DGKQ: variants seen among roughly 807,000 people sequenced by gnomAD.
DGKQ encodes the protein DAG kinase theta.
Under a neutral mutation model 104.2 loss-of-function variants are expected in DGKQ, and 97 were observed. The observed-to-expected ratio is 0.93, with a 90% confidence interval of 0.79 to 1.10. The LOEUF is 1.10. DGKQ is among the 50% of genes least tolerant of loss of function. The pLI, the probability that DGKQ is intolerant of heterozygous loss-of-function variation, is 0.00. For synonymous variants in DGKQ, 736 were observed against 595.2 expected, an observed-to-expected ratio of 1.24 and a Z score of -3.44; for missense variants, 1,465 against 1,352.1, an observed-to-expected ratio of 1.08 and a Z score of -1.31.
At chr4:968,257 A>G in intron 5 of DGKQ, 25 bp downstream of exon 5, 3 of 333,512 alleles carry the variant, frequency 9.0e-6, no homozygotes, top group African/African-American at 6.7e-5. Context: ...CCCCACCCCC[A>G]CCCCCTCGAC....
In DGKQ at chr4:962,013, G is replaced by A. The variant is rs751084332; in HGVS notation, c.2284C>T (p.Arg762Trp). The change falls in exon 19 of 23, where the codon CGG becomes TGG. Residue 762 changes from arginine (R) to tryptophan (W), a missense_variant. Transcript: ENST00000273814. Reference sequence around the variant, plus strand: ...GTGAACTTGCCAGGCTCCTCTTCCCGTGCCTGGTGGAAGTCCAGGCTCAGC... The same window carrying A: ...GTGAACTTGCCAGGCTCCTCTTCCCATGCCTGGTGGAAGTCCAGGCTCAGC... Reference protein sequence around the residue: ...AELSLDFHQAREEEPGKFTSR... With the variant: ...AELSLDFHQAWEEEPGKFTSR... 5.0e-6 allele frequency: 8 copies of A among 1,612,964 alleles called. No homozygotes were observed. The Admixed American group carries it at 5.0e-5, about 10-fold the overall frequency.
In DGKQ at chr4:973,262, C is replaced by G. The variant is rs893697332; in HGVS notation, c.221G>C (p.Cys74Ser). Residue 74 changes from cysteine (C) to serine (S), a missense_variant, in exon 1 of 23, where the codon TGC becomes TCC. By Grantham distance (112) the Cys-to-Ser change is moderately radical. Transcript: ENST00000273814. ...CCAGATGAAGTCGGAGCAGAGGTGG[C>G]AGAAGGTGGGCTTGGTGAGCGTCAC... is the stretch of plus-strand genomic sequence containing the variant. ...RKVTLTKPTF[C>S]HLCSDFIWGL... is the part of the protein sequence containing the mutation. The G allele has an allele frequency of 1.3e-6, 2 of 1,554,170 alleles. No homozygotes were observed. Among genetic ancestry groups the G allele is most frequent in the African/African-American group, 2.9e-5 (2 of 70,124 alleles).
intron 15 of DGKQ, among the ~76,000 whole-genome samples, chr4:964,397 G>C (rs375531265): frequency 5.3e-5 from 8 of 152,342 alleles, no homozygotes; most frequent in African/African-American, 1.7e-4. Context: ...GGGACCCTTT[G>C]GGGGCTAGAT....
chr4:965,326 T>G lies in DGKQ; in HGVS notation c.1619-35A>C, dbSNP rs761884354. ...GAGCCCAGGACTCAGGGGGAGCCTG[T>G]CCCATGGCCCCCACGGTGCCAGGGC... On this transcript the variant is annotated intron_variant, in intron 14 of 22. Coordinates refer to ENST00000273814, the MANE Select transcript of DGKQ (RefSeq NM_001347.4). 5 of 1,594,560 alleles carry G rather than the reference T, an allele frequency of 3.1e-6. No individual in the cohort carries two copies. The Admixed American group carries it at 8.4e-5, about 27-fold the overall frequency.
At chr4:962,969 C>A in intron 16 of DGKQ, 49 bp from the exon 17 acceptor site, 1 of 1,565,508 alleles carries the variant, frequency 6.4e-7, no homozygotes, top group Non-Finnish European at 8.7e-7. Flanking sequence ...CGCAGCCCAT[C>A]CCCCACCCAG....
intron 8 of DGKQ, 55 bp downstream of exon 8, chr4:967,494 G>A (rs1324992130): frequency 1.2e-5 from 19 of 1,561,188 alleles, no homozygotes; most frequent in African/African-American, 4.1e-5. Context: ...TGCGCCAGGT[G>A]CGGGGACATG....
chr4:965,714 G>A (rs1023284565), intron 13 of DGKQ, among the ~76,000 whole-genome samples, 185 bp from the exon 14 acceptor site: 4 of 152,210 alleles, frequency 2.6e-5, no homozygotes, highest in Non-Finnish European at 4.4e-5. Context: ...CCCCCCAGAG[G>A]GAGAGGGAGA....
At chr4:972,545 G>A (rs1489867423) in intron 1 of DGKQ, among the ~76,000 whole-genome samples, 3 of 148,006 alleles carry the variant, frequency 2.0e-5, no homozygotes, top group Non-Finnish European at 4.4e-5. Flanking sequence ...CCTGTCCCTC[G>A]CTCCCTCCAG....
At chr4:966,908 G>T (rs1712401991) in intron 10 of DGKQ, 56 bp downstream of exon 10, 10 of 1,549,766 alleles carry the variant, frequency 6.5e-6, no homozygotes, top group Middle Eastern at 1.7e-4. Flanking sequence ...GCCTCCTGGG[G>T]ACAGCGACCC....
In DGKQ at chr4:960,458, C is replaced by T. The variant is rs935254800; in HGVS notation, c.*162G>A. 1.4e-5 allele frequency: 9 copies of T among 637,686 alleles called. No individual in the cohort carries two copies. Among genetic ancestry groups the T allele is most frequent in the South Asian group, 8.9e-5 (5 of 56,382 alleles). 39.5% of individuals were successfully genotyped at this position (637,686 alleles called of 1,614,324 possible). On this transcript the variant is annotated 3_prime_UTR_variant, in exon 23 of 23. Transcript: ENST00000273814. ...ACATGTGTCACCAATGGGATGAGGG[C>T]GGGTCCCGCTCCGTCACTGGGAAGA...
intron 15 of DGKQ, among the ~76,000 whole-genome samples, chr4:964,842 T>C (rs1238081525): frequency 6.6e-6 from 1 of 152,140 alleles, no homozygotes; most frequent in Non-Finnish European, 1.5e-5. Context: ...AGCTGCGTCC[T>C]GTGGGCCTCC....
In DGKQ at chr4:966,756, C is replaced by A; in HGVS notation, c.1358G>T (p.Cys453Phe). 6.2e-7 allele frequency: 1 copy of A among 1,608,536 alleles called. No individual in the cohort carries two copies. The highest frequency in any genetic ancestry group is 1.1e-5 in the South Asian group (1 of 90,108). ...SFQLVEVAMGCRHVQRTMLMD... is the reference protein window; with the variant it reads ...SFQLVEVAMGFRHVQRTMLMD... ...ACGGGCTGTCTACTCACCGTGCCTG[C>A]AGCCCATCGCCACCTCCACCAGCTG... is the stretch of plus-strand genomic sequence containing the variant. The change falls in exon 11 of 23, where the codon TGC becomes TTC. Residue 453 changes from cysteine to phenylalanine, a missense_variant. Coordinates refer to ENST00000273814, the MANE Select transcript of DGKQ (RefSeq NM_001347.4).
intron 1 of DGKQ, among the ~76,000 whole-genome samples, chr4:972,369 G>A (rs1030228705): frequency 1.4e-4 from 21 of 152,256 alleles, no homozygotes; most frequent in South Asian, 4.1e-4. Flanking sequence ...CAACCATGCC[G>A]TTTCCACCAC....
At chr4:962,977 C>G in intron 16 of DGKQ, 57 bp from the exon 17 acceptor site, 1 of 1,554,494 alleles carries the variant, frequency 6.4e-7, no homozygotes, top group Non-Finnish European at 8.7e-7. Flanking sequence ...ATCCCCCACC[C>G]AGGCTGCCTC....
chr4:966,426 G>T (rs1420826044), intron 12 of DGKQ, 40 bp downstream of exon 12: 2 of 1,602,806 alleles, frequency 1.2e-6, no homozygotes, highest in Admixed American at 3.4e-5. Flanking sequence ...GTGGCTGAGG[G>T]CTGCTGGTTC....
At position 968,855 on chromosome 4, in the gene DGKQ, G is replaced by A; in HGVS notation, c.407C>T (p.Ala136Val). ...PRGLHKRKFC[A>V]VCRKVLEAPA... ...TGCCTCCAGGACCTTGCGGCAGACA[G>A]CACAGAACTTGCGCTTGTGGAGCCC... The change falls in exon 3 of 23, where the codon GCT (alanine) becomes GTT (valine). Residue 136 changes from alanine (A) to valine (V), a missense_variant. Ala to Val is a moderately conservative substitution (Grantham distance 64). Transcript: ENST00000273814. 2 of 1,609,806 alleles carry A rather than the reference G, an allele frequency of 1.2e-6. No individual in the cohort carries two copies. Among genetic ancestry groups the A allele is most frequent in the South Asian group, 2.2e-5 (2 of 90,856 alleles).
At chr4:968,617 T>TCTGC in intron 3 of DGKQ, 53 bp from the exon 4 acceptor site, 3 of 1,516,852 alleles carry the variant, frequency 2.0e-6, no homozygotes, top group Non-Finnish European at 2.7e-6. Flanking sequence ...GACCCCTGCC[T>TCTGC]CTGCCGGTGC....
At chr4:964,532 G>A (rs1280189540) in intron 15 of DGKQ, among the ~76,000 whole-genome samples, 3 of 124,608 alleles carry the variant, frequency 2.4e-5, no homozygotes, top group Non-Finnish European at 3.5e-5. Flanking sequence ...CCAGACCCCC[G>A]TTCCCCCCGG....
intron 9 of DGKQ, 34 bp from the exon 10 acceptor site, chr4:967,088 C>A (rs377588957): frequency 3.0e-5 from 47 of 1,544,574 alleles, no homozygotes; most frequent in Non-Finnish European, 3.4e-5. Flanking sequence ...GAGCTCCCCC[C>A]ACCCCGCCCA....
Sources: allele counts gnomAD v4.1 joint callset (sites outside exome capture counted in the v4.1 genomes callset), GRCh38; gene constraint gnomAD v4.1.1; transcripts MANE v1.5; gene names NCBI Gene and HGNC (gene_info 2026-07-23, HGNC 2026-07-21).